PALLD: variants seen among roughly 807,000 people sequenced by gnomAD.
The protein encoded by PALLD is palladin.
PALLD carries 61 observed loss-of-function variants against 123.5 expected under a neutral mutation model. That is an observed-to-expected ratio of 0.49 (90% CI 0.40 to 0.61). The LOEUF is 0.61. Ranked by LOEUF, PALLD falls within the 20% of genes least tolerant of loss-of-function variation. The pLI is 0.00. For synonymous variants in PALLD, 465 were observed against 496.4 expected (o/e 0.94, Z 0.84); for missense variants, 1,273 against 1,377.0 (o/e 0.92, Z 1.20).
Position 168,898,680 on chromosome 4 carries a change from T to C in PALLD, c.2438T>C (p.Phe813Ser). Reference protein sequence around the residue: ...YKIFEGMPVTFTCRVAGNPKP... With the variant: ...YKIFEGMPVTSTCRVAGNPKP... ...ATCTTTGAGGGAATGCCAGTAACTT[T>C]CACATGTAGAGTGGCTGGAAATCCA... The change falls in exon 14 of 22, where the codon TTC becomes TCC. Residue 813 changes from phenylalanine (F) to serine (S), a missense_variant. Transcript: ENST00000505667. The C allele has an allele frequency of 1.2e-6, 2 of 1,614,034 alleles. No individual in the cohort carries two copies. Among genetic ancestry groups the C allele is most frequent in the Non-Finnish European group, 1.7e-6 (2 of 1,179,894 alleles).
At chr4:168,803,433 G>A (rs1739657460) in intron 10 of PALLD, among the ~76,000 whole-genome samples, 1 of 152,062 alleles carries the variant, frequency 6.6e-6, no homozygotes, top group Non-Finnish European at 1.5e-5. Flanking sequence ...ATTTTAAAAA[G>A]AAAATTGTTG....
chr4:168,557,549 A>G (rs1767446061), intron 2 of PALLD, among the ~76,000 whole-genome samples: 1 of 152,220 alleles, frequency 6.6e-6, no homozygotes, highest in Admixed American at 6.5e-5. Context: ...GGACTAGGAC[A>G]ACTCAAGAAG....
At chr4:168,865,912 C>T (rs907039594) in intron 10 of PALLD, among the ~76,000 whole-genome samples, 9 of 152,112 alleles carry the variant, frequency 5.9e-5, no homozygotes, top group Admixed American at 1.3e-4. Context: ...GTGGCACAGT[C>T]ACTTCTACCC....
chr4:168,859,709 C>T (rs1335318611), intron 10 of PALLD, among the ~76,000 whole-genome samples: 1 of 152,170 alleles, frequency 6.6e-6, no homozygotes, highest in Non-Finnish European at 1.5e-5. Context: ...GACAAACAGA[C>T]AGTAACCCTT....
In PALLD at chr4:168,921,677, C is replaced by A. The variant is rs772157011; in HGVS notation, c.2994C>A (p.Ile998=). ...CAGTCACGTCACGTGATGCCGGCAT[C>A]TACACATGTATAGCTACCAACCGAG... ...IEPVTSRDAG[I]YTCIATNRAG... Residue 998 remains isoleucine, a synonymous_variant, in exon 18 of 22, where the codon ATC becomes ATA. Transcript: ENST00000505667. 1 of 1,611,692 alleles carries A rather than the reference C, an allele frequency of 6.2e-7. No homozygotes were observed. The highest frequency in any genetic ancestry group is 8.5e-7 in the Non-Finnish European group (1 of 1,179,834).
chr4:168,629,877 G>A (rs1775649536), intron 2 of PALLD, among the ~76,000 whole-genome samples: 2 of 152,174 alleles, frequency 1.3e-5, no homozygotes, highest in South Asian at 4.1e-4. Flanking sequence ...CTACCCTTCA[G>A]TTTCATCCCC....
intron 10 of PALLD, among the ~76,000 whole-genome samples, chr4:168,854,247 TCTG>T (rs1748247466): frequency 6.6e-6 from 1 of 152,174 alleles, no homozygotes; most frequent in South Asian, 2.1e-4. Context: ...AGATGTGAAC[TCTG>T]CTCTTGAGAA....
At chr4:168,555,965 T>C (rs1376119330) in intron 2 of PALLD, among the ~76,000 whole-genome samples, 1 of 152,208 alleles carries the variant, frequency 6.6e-6, no homozygotes, top group Non-Finnish European at 1.5e-5. Flanking sequence ...CTTCATTTCC[T>C]CATTTGTAAA....
intron 8 of PALLD, among the ~76,000 whole-genome samples, chr4:168,708,210 A>C (rs1037097266): frequency 3.3e-5 from 5 of 152,224 alleles, no homozygotes; most frequent in Non-Finnish European, 7.3e-5. Flanking sequence ...ATCTATGTTA[A>C]GTGCTGGTAA....
chr4:168,536,851 G>A lies in PALLD; in HGVS notation c.908+24439G>A, dbSNP rs571024976. Among the ~76,000 whole-genome samples the A allele has an allele frequency of 3.4e-5, 5 of 146,454 alleles. No individual in the cohort carries two copies. The South Asian group carries it at 6.4e-4, about 19-fold the overall frequency. Reference sequence around the variant, plus strand: ...TCTCTCTTTTTTTTTTTTTTGAGACGGAGTCTCACTCTGTCTCCCAGGCTG... The same window carrying A: ...TCTCTCTTTTTTTTTTTTTTGAGACAGAGTCTCACTCTGTCTCCCAGGCTG... On this transcript the variant is annotated intron_variant, in intron 2 of 21. Transcript: ENST00000505667.
intron 10 of PALLD, among the ~76,000 whole-genome samples, chr4:168,828,664 T>C (rs112303842): frequency 1.3e-5 from 2 of 152,362 alleles, no homozygotes; most frequent in African/African-American, 4.8e-5. Context: ...AAAGGAATGA[T>C]TTGAAGGTTA....
chr4:168,745,521 TA>T (rs1730170567), intron 10 of PALLD, among the ~76,000 whole-genome samples: 1 of 152,154 alleles, frequency 6.6e-6, no homozygotes, highest in Non-Finnish European at 1.5e-5. Context: ...TGTAACACTT[TA>T]AAAGAGCATG....
At chr4:168,560,633 C>G (rs150853837) in intron 2 of PALLD, among the ~76,000 whole-genome samples, 16 of 152,258 alleles carry the variant, frequency 1.1e-4, no homozygotes, top group African/African-American at 3.9e-4. Context: ...CCCCATAGTA[C>G]CGGTTTCTGT....
intron 15 of PALLD, among the ~76,000 whole-genome samples, chr4:168,910,550 A>G (rs953058244): frequency 1.3e-5 from 2 of 152,202 alleles, no homozygotes; most frequent in East Asian, 3.8e-4. Context: ...TTATAATTAT[A>G]TCCATAGTGA....
chr4:168,711,834 C>G lies in PALLD; in HGVS notation c.1875C>G (p.Gly625=), dbSNP rs746194532. Residue 625 remains glycine (G), a synonymous_variant, in exon 10 of 22, where the codon GGC becomes GGG. Transcript: ENST00000505667. The part of the protein sequence containing the change: ...PSRGVNGLIN[G]KANSNKSLPT... Reference sequence around the variant, plus strand: ...GTGGAGTAAATGGACTGATTAACGGCAAAGCTAACAGTAATAAATCTCTTC... The same window carrying G: ...GTGGAGTAAATGGACTGATTAACGGGAAAGCTAACAGTAATAAATCTCTTC... 5 of 1,614,022 alleles carry G rather than the reference C, an allele frequency of 3.1e-6. No homozygotes were observed. In the African/African-American group the frequency reaches 6.7e-5, roughly 22 times the overall value.
chr4:168,658,567 G>A (rs570001532), intron 2 of PALLD, among the ~76,000 whole-genome samples: 4 of 152,004 alleles, frequency 2.6e-5, no homozygotes, highest in African/African-American at 7.2e-5. Flanking sequence ...GATTATAGGC[G>A]TGAGCCACCA....
rs5863967 is a variant in PALLD at position 168,921,406 on chromosome 4, CA to C, written c.2851-108del. The stretch of plus-strand genomic sequence containing the variant: ...TGGGCAATAAGAGTGAAACTCTGTC[CA>C]AAAAAAAAAAAAAAAAAAAGCCACC... On this transcript the variant is annotated intron_variant, in intron 17 of 21. Transcript: ENST00000505667. The C allele has an allele frequency of 0.2, 71,140 of 353,154 alleles. 998 individuals carry two copies. Among genetic ancestry groups the C allele is most frequent in the African/African-American group, 0.4 (9,583 of 24,112 alleles). 21.9% of individuals were successfully genotyped at this position (353,154 alleles called of 1,614,324 possible).
At chr4:168,728,395 T>C (rs1285825294) in intron 10 of PALLD, among the ~76,000 whole-genome samples, 1 of 152,184 alleles carries the variant, frequency 6.6e-6, no homozygotes, top group Admixed American at 6.5e-5. Flanking sequence ...TAGGGTTTTA[T>C]AGTTCTTGTA....
At chr4:168,860,675 A>C (rs1749330656) in intron 10 of PALLD, among the ~76,000 whole-genome samples, 1 of 152,178 alleles carries the variant, frequency 6.6e-6, no homozygotes, top group Non-Finnish European at 1.5e-5. Context: ...TACAAAAATT[A>C]TCTGTGCCTG....
Sources: allele counts gnomAD v4.1 joint callset (sites outside exome capture counted in the v4.1 genomes callset), GRCh38; gene constraint gnomAD v4.1.1; transcripts MANE v1.5; gene names NCBI Gene and HGNC (gene_info 2026-07-23, HGNC 2026-07-21).